SUN1: variants seen among roughly 807,000 people sequenced by gnomAD.
The protein encoded by SUN1 is SUN domain-containing protein 1.
In SUN1, 61 loss-of-function variants were observed where a neutral mutation model predicts 103.2. The ratio of observed to expected loss-of-function variants is 0.59; its 90% CI spans 0.48 to 0.73. The LOEUF is 0.73. Among genes scored for constraint, SUN1 ranks in the 30% least tolerant of loss-of-function variants. The pLI is 0.00. For synonymous variants in SUN1, 490 were observed against 425.7 expected (o/e 1.15, Z -1.86); for missense variants, 1,052 against 1,034.6 (o/e 1.02, Z -0.23).
intron 9 of SUN1, chr7:853,183 T>C: frequency 1.4e-6 from 1 of 734,076 alleles, no homozygotes. Context: ...ATAATAGTAT[T>C]CATCACTGTA....
At position 874,909 on chromosome 7, in the gene SUN1, A is replaced by G. The variant is rs1843496561; in HGVS notation, c.*1578A>G. 2 of 152,248 alleles carry G rather than the reference A, an allele frequency of 1.3e-5. No individual in the cohort carries two copies. The highest frequency in any genetic ancestry group is 2.9e-5 in the Non-Finnish European group (2 of 68,048). The allele number at this position is 152,248 out of a possible 1,614,324, so 9.4% of individuals were successfully genotyped here. A position where few individuals can be genotyped will look rare whatever the true frequency, so the allele number is the denominator to read the frequency against. ...GTTTTAATTTTTAAAAGGGCATGGG[A>G]TATAAACAGTCTATTTCTTTTCTCA... On this transcript the variant is annotated 3_prime_UTR_variant, in exon 19 of 19. Transcript: ENST00000401592.
chr7:855,916 C>A (rs574712688), intron 11 of SUN1, among the ~76,000 whole-genome samples: 39 of 152,342 alleles, frequency 2.6e-4, no homozygotes, highest in African/African-American at 9.4e-4. Flanking sequence ...TGTCTGCCTG[C>A]CCTGGGCCGG....
intron 1 of SUN1, chr7:817,333 C>T (rs886307261): frequency 7.7e-7 from 1 of 1,292,692 alleles, no homozygotes; most frequent in Non-Finnish European, 1.1e-6. Context: ...AAGCGATCCC[C>T]TCGCCCCAGC....
chr7:843,014 A>G (rs932643389), intron 3 of SUN1, 192 bp from the exon 4 acceptor site: 1 of 778,206 alleles, frequency 1.3e-6, no homozygotes, highest in Non-Finnish European at 2.1e-6. Flanking sequence ...CTTCAAGGAT[A>G]AGCTTTCACC....
chr7:819,100 TG>T (rs1171633189), intron 1 of SUN1, among the ~76,000 whole-genome samples: 1 of 151,916 alleles, frequency 6.6e-6, no homozygotes, highest in Non-Finnish European at 1.5e-5. Context: ...CGACCTCAGG[TG>T]ATCTGCCCGC....
intron 16 of SUN1, among the ~76,000 whole-genome samples, chr7:866,824 C>G (rs1040088879): frequency 6.8e-6 from 1 of 147,190 alleles, no homozygotes; most frequent in African/African-American, 2.6e-5. Flanking sequence ...GTCTCCTGGA[C>G]CTTCTGCTGT....
intron 5 of SUN1, chr7:849,927 C>T (rs759581690): frequency 2.8e-5 from 45 of 1,595,314 alleles, no homozygotes; most frequent in Non-Finnish European, 3.5e-5. Flanking sequence ...CTGCAGGCGA[C>T]GACTGTAAGG....
At chr7:831,090 G>C (rs1048722877), upstream of SUN1, 1 of 854,930 alleles carries the variant, frequency 1.2e-6, no homozygotes, top group African/African-American at 1.8e-5. Context: ...GTGGGAGAGA[G>C]ACAGTTAAAC....
At chr7:860,428 T>A in intron 14 of SUN1, 46 bp downstream of exon 14, 1 of 1,597,426 alleles carries the variant, frequency 6.3e-7, no homozygotes, top group Non-Finnish European at 8.5e-7. Context: ...GTCCATTCTG[T>A]GCTGAGACTG....
upstream of SUN1, among the ~76,000 whole-genome samples, chr7:831,674 T>G (rs1199466855): frequency 6.6e-6 from 1 of 152,264 alleles, no homozygotes; most frequent in African/African-American, 2.4e-5. Flanking sequence ...TGATACTTTA[T>G]TTCAAAGAAG....
At chr7:843,256 T>C in intron 4 of SUN1, 24 bp downstream of exon 4, 4 of 1,608,554 alleles carry the variant, frequency 2.5e-6, no homozygotes, top group Non-Finnish European at 3.4e-6. Flanking sequence ...TCCTTTTATC[T>C]TCATATACTT....
intron 1 of SUN1, among the ~76,000 whole-genome samples, chr7:826,302 C>CCCGGT (rs1199962233): frequency 2.6e-5 from 4 of 151,544 alleles, no homozygotes; most frequent in Non-Finnish European, 4.4e-5. Context: ...GTTTGACAAC[C>CCCGGT]CTGGTCTGGG....
Position 851,395 on chromosome 7 carries a change from CT to C in SUN1, c.671del (p.Leu224ArgfsTer50). 2.5e-6 allele frequency: 4 copies of C among 1,603,738 alleles called. No individual in the cohort carries two copies. Among genetic ancestry groups the C allele is most frequent in the Non-Finnish European group, 3.4e-6 (4 of 1,175,114 alleles). On this transcript the variant is annotated frameshift_variant, in exon 6 of 19. Transcript: ENST00000401592. LOFTEE classifies it high-confidence loss of function. ...TCTTCCCTGCACAGGTTACTTCTTG[CT>C]GCAGATTCTGCGCAGGATCGGAGCT... is the stretch of plus-strand genomic sequence containing the variant. ...RDRNQKCYFLLQILRRIGAVG... is the reference protein window; with the variant it reads ...RDRNQKCYFLXQILRRIGAVG...
chr7:873,615 A>G lies in SUN1; in HGVS notation c.*284A>G, dbSNP rs544782407. On this transcript the variant is annotated 3_prime_UTR_variant, in exon 19 of 19. Transcript: ENST00000401592. ...TTAACGGGAAGCTCTTTGCATTTGC[A>G]TTTCCTCAACAAAGGAGCAAAGCAG... 2 of 345,288 alleles carry G rather than the reference A, an allele frequency of 5.8e-6. No individual in the cohort carries two copies. The highest frequency in any genetic ancestry group is 5.1e-5 in the South Asian group (1 of 19,614). The allele number at this position is 345,288 out of a possible 1,614,324, so 21.4% of individuals were successfully genotyped here. A position where few individuals can be genotyped will look rare whatever the true frequency, so the allele number is the denominator to read the frequency against.
chr7:828,029 G>A (rs1185888645), upstream of SUN1, among the ~76,000 whole-genome samples: 3 of 151,688 alleles, frequency 2.0e-5, no homozygotes, highest in African/African-American at 4.8e-5. Flanking sequence ...TCAGCCTCCC[G>A]AGTAGCTGGG....
chr7:850,021 TG>T (rs1439011828), intron 5 of SUN1: 2 of 1,593,212 alleles, frequency 1.3e-6, no homozygotes, highest in Non-Finnish European at 1.7e-6. Context: ...CTGGCACATC[TG>T]GGCATGTGCA....
At chr7:863,104 T>G (rs577268758) in intron 15 of SUN1, among the ~76,000 whole-genome samples, 2 of 152,180 alleles carry the variant, frequency 1.3e-5, no homozygotes, top group African/African-American at 4.8e-5. Context: ...ATCGTGCCAC[T>G]GCACTCCAGC....
intron 1 of SUN1, among the ~76,000 whole-genome samples, chr7:827,387 G>A (rs1409935232): frequency 6.6e-6 from 1 of 151,772 alleles, no homozygotes; most frequent in Non-Finnish European, 1.5e-5. Flanking sequence ...CATGTTCTCT[G>A]GATTATTACT....
At chr7:837,440 A>AT (rs1031233840) in intron 1 of SUN1, among the ~76,000 whole-genome samples, 4 of 151,268 alleles carry the variant, frequency 2.6e-5, no homozygotes, top group Non-Finnish European at 5.9e-5. Flanking sequence ...ATTGGAGTCA[A>AT]TTTTTTTCAA....
Sources: gnomAD v4.1 joint callset for allele counts (sites outside exome capture counted in the v4.1 genomes callset) on GRCh38, gnomAD v4.1.1 for gene constraint, MANE v1.5 for transcripts, NCBI Gene and HGNC (gene_info 2026-07-23, HGNC 2026-07-21) for gene names.